The following GNAO1 variants were observed in gnomAD, a reference collection of about 807,000 sequenced individuals.
GNAO1 encodes the protein guanine nucleotide-binding protein G(o) subunit alpha.
For synonymous variants in GNAO1, 164 were observed against 180.7 expected, an observed-to-expected ratio of 0.91 and a Z score of 0.74; for missense variants, 166 against 478.7, an observed-to-expected ratio of 0.35 and a Z score of 6.10.
chr16:56,237,168 G>T (rs2036645505), intron 2 of GNAO1, among the ~76,000 whole-genome samples: 1 of 152,156 alleles, frequency 6.6e-6, no homozygotes, highest in African/African-American at 2.4e-5. Flanking sequence ...TCTTATAATT[G>T]TACATGCTAT....
chr16:56,335,589 C>T (rs2037732740), intron 5 of GNAO1, among the ~76,000 whole-genome samples: 3 of 152,222 alleles, frequency 2.0e-5, no homozygotes, highest in South Asian at 2.1e-4. Flanking sequence ...CCTGCCCGCT[C>T]CTGTTCAGAC....
At chr16:56,307,270 G>A (rs2037406451) in intron 3 of GNAO1, 1 of 152,188 alleles carries the variant, frequency 6.6e-6, no homozygotes, top group South Asian at 2.1e-4. Flanking sequence ...TCCCGGGAGG[G>A]GCAGCCCCAG....
At chr16:56,210,567 G>A (rs1168855305) in intron 2 of GNAO1, among the ~76,000 whole-genome samples, 11 of 152,338 alleles carry the variant, frequency 7.2e-5, no homozygotes, top group African/African-American at 2.2e-4. Context: ...TGTCTGCAAC[G>A]TCACCAGCAT....
intron 3 of GNAO1, chr16:56,302,230 C>G (rs1257038013): frequency 6.6e-6 from 1 of 152,360 alleles, no homozygotes; most frequent in Non-Finnish European, 1.5e-5. Context: ...CTGGCCTCTC[C>G]CTGAAGGGTT....
At chr16:56,220,303 GA>G (rs1365405722) in intron 2 of GNAO1, among the ~76,000 whole-genome samples, 1 of 152,036 alleles carries the variant, frequency 6.6e-6, no homozygotes, top group African/African-American at 2.4e-5. Context: ...CCTCCCCTCT[GA>G]AAAAAAGTAC....
intron 2 of GNAO1, among the ~76,000 whole-genome samples, chr16:56,210,865 G>T (rs2036379855): frequency 6.6e-6 from 1 of 152,156 alleles, no homozygotes. Context: ...CCTGTGGTTT[G>T]TCTTCTCAGT....
At chr16:56,221,590 C>T (rs991042794) in intron 2 of GNAO1, among the ~76,000 whole-genome samples, 8 of 141,750 alleles carry the variant, frequency 5.6e-5, no homozygotes, top group Non-Finnish European at 7.5e-5. Flanking sequence ...GCAGAGGTTG[C>T]AGTGAGCCGA....
chr16:56,230,456 C>T lies in GNAO1; in HGVS notation c.161+37840C>T, dbSNP rs1042790755. Among the ~76,000 whole-genome samples the T allele has an allele frequency of 1.6e-4, 25 of 152,220 alleles. 1 individual carries two copies. Among genetic ancestry groups the T allele is most frequent in the Admixed American group, 6.5e-5 (1 of 15,290 alleles). The stretch of plus-strand genomic sequence containing the variant: ...GTCCCCTGATAAGGGGTTTACCTCT[C>T]CAGCAGATTTTATAGCTCTGCCCTT... On this transcript the variant is annotated intron_variant, in intron 2 of 8. Coordinates refer to ENST00000262493, the MANE Select transcript of GNAO1 (RefSeq NM_020988.3).
intron 3 of GNAO1, 146 bp from the exon 4 acceptor site, chr16:56,328,485 C>A (rs2037657368): frequency 5.2e-6 from 4 of 769,886 alleles, no homozygotes; most frequent in East Asian, 5.2e-5. Flanking sequence ...TCGTGGCCCT[C>A]CCTGGAGCAG....
At chr16:56,309,561 G>A (rs1272823850) in intron 3 of GNAO1, among the ~76,000 whole-genome samples, 1 of 152,230 alleles carries the variant, frequency 6.6e-6, no homozygotes, top group East Asian at 1.9e-4. Flanking sequence ...TTGGAAGCCT[G>A]GACTCAGTGG....
At chr16:56,268,428 C>G (rs1182557584) in intron 2 of GNAO1, among the ~76,000 whole-genome samples, 1 of 152,226 alleles carries the variant, frequency 6.6e-6, no homozygotes, top group Non-Finnish European at 1.5e-5. Flanking sequence ...GACCTTCCAG[C>G]AGGCTGAACC....
intron 2 of GNAO1, among the ~76,000 whole-genome samples, chr16:56,196,703 G>A (rs1039742459): frequency 6.6e-6 from 1 of 152,204 alleles, no homozygotes; most frequent in Non-Finnish European, 1.5e-5. Context: ...AAGGGAGTTC[G>A]AAGGTGGCCA....
At chr16:56,302,492 G>A (rs2037354795) in intron 3 of GNAO1, 1 of 152,294 alleles carries the variant, frequency 6.6e-6, no homozygotes, top group African/African-American at 2.4e-5. Flanking sequence ...GGCCTCCTTG[G>A]AGTGCTCCCT....
chr16:56,238,525 T>C (rs1413317594), intron 2 of GNAO1, among the ~76,000 whole-genome samples: 1 of 152,230 alleles, frequency 6.6e-6, no homozygotes, highest in African/African-American at 2.4e-5. Context: ...AATGTCAACA[T>C]AGTGGTGGCC....
chr16:56,244,606 C>T (rs1343847681), intron 2 of GNAO1, among the ~76,000 whole-genome samples: 1 of 152,042 alleles, frequency 6.6e-6, no homozygotes, highest in Non-Finnish European at 1.5e-5. Context: ...TAGGGGCTTC[C>T]GCTGCGATTC....
intron 3 of GNAO1, among the ~76,000 whole-genome samples, chr16:56,282,458 C>G (rs1355547474): frequency 6.6e-6 from 1 of 152,198 alleles, no homozygotes; most frequent in East Asian, 1.9e-4. Context: ...GTTTTATCTG[C>G]ACTTTTCAGG....
intron 3 of GNAO1, among the ~76,000 whole-genome samples, chr16:56,283,352 C>T (rs1381579845): frequency 2.0e-5 from 3 of 152,184 alleles, no homozygotes; most frequent in South Asian, 2.1e-4. Flanking sequence ...CTGGGCTTGC[C>T]GCCCATGCTC....
At chr16:56,345,192 C>T in intron 6 of GNAO1, 4 of 985,758 alleles carry the variant, frequency 4.1e-6, no homozygotes, top group Non-Finnish European at 4.8e-6. Context: ...GGGCAACCAA[C>T]ACACCTCTCC....
At chr16:56,212,101 T>C (rs2036394711) in intron 2 of GNAO1, among the ~76,000 whole-genome samples, 1 of 147,540 alleles carries the variant, frequency 6.8e-6, no homozygotes, top group African/African-American at 2.6e-5. Context: ...CAGGAAGTCC[T>C]GTCGGGACTA....
Sources: gnomAD v4.1 joint callset for allele counts (sites outside exome capture counted in the v4.1 genomes callset) on GRCh38, gnomAD v4.1.1 for gene constraint, MANE v1.5 for transcripts, NCBI Gene and HGNC (gene_info 2026-07-23, HGNC 2026-07-21) for gene names.